ITGA1: variants seen among roughly 807,000 people sequenced by gnomAD.
The protein encoded by ITGA1 is integrin subunit alpha 1.
Under a neutral mutation model 145.9 loss-of-function variants are expected in ITGA1, and 85 were observed. That is an observed-to-expected ratio of 0.58 (90% CI 0.49 to 0.70). ITGA1 has a LOEUF of 0.70. Among genes scored for constraint, ITGA1 ranks in the 30% least tolerant of loss-of-function variants. The pLI is 0.00. For missense variants in ITGA1, 1,351 were observed against 1,418.7 expected (o/e 0.95, Z 0.77); for synonymous variants, 520 against 495.3 (o/e 1.05, Z -0.66).
At chr5:52,897,671 T>G in intron 10 of ITGA1, 143 bp downstream of exon 10, 1 of 620,572 alleles carries the variant, frequency 1.6e-6, no homozygotes, top group South Asian at 2.0e-5. Context: ...GTTTTCTAAT[T>G]CAAATAGGAA....
chr5:52,887,780 C>T, intron 7 of ITGA1, 35 bp from the exon 8 acceptor site: 2 of 1,591,216 alleles, frequency 1.3e-6, no homozygotes, highest in Non-Finnish European at 1.7e-6. Context: ...AAAGTGGTGT[C>T]TTATCAACCT....
rs201270377 is a variant in ITGA1, at chr5:52,920,460, T to C, written c.2284T>C (p.Tyr762His). ...RKSECTKHSF[Y>H]MLDKHDFQDS... ...ATCAGAATGCACTAAGCACTCCTTCTACATGTTGGCAAGTAAATCATATAT... is the reference window on the plus strand; with the variant it reads ...ATCAGAATGCACTAAGCACTCCTTCCACATGTTGGCAAGTAAATCATATAT... The change falls in exon 17 of 29, where the codon TAC (tyrosine) becomes CAC (histidine). Residue 762 changes from tyrosine to histidine, a missense_variant. Transcript: ENST00000282588. The C allele has an allele frequency of 1.9e-6, 3 of 1,596,900 alleles. No homozygotes were observed. In the Admixed American group the frequency reaches 5.3e-5, roughly 28 times the overall value.
chr5:52,866,835 T>C (rs1430045147), intron 6 of ITGA1, among the ~76,000 whole-genome samples: 1 of 152,174 alleles, frequency 6.6e-6, no homozygotes, highest in African/African-American at 2.4e-5. Context: ...TGGGCATATA[T>C]ATTAAAATAC....
chr5:52,801,752 G>A, intron 1 of ITGA1: 1 of 1,614,136 alleles, frequency 6.2e-7, no homozygotes, highest in South Asian at 1.1e-5. Flanking sequence ...GAACAGCTCA[G>A]CCAGTTGACT....
chr5:52,919,047 A>G, intron 16 of ITGA1, 149 bp downstream of exon 16: 1 of 648,682 alleles, frequency 1.5e-6, no homozygotes, highest in Non-Finnish European at 2.4e-6. Flanking sequence ...CTTGAAAAAA[A>G]ATTCTGTTGC....
intron 1 of ITGA1, among the ~76,000 whole-genome samples, chr5:52,829,011 A>T (rs373307507): frequency 6.6e-6 from 1 of 152,284 alleles, no homozygotes; most frequent in East Asian, 1.9e-4. Context: ...CAGTCATTGA[A>T]TTTTGGCCCC....
At chr5:52,894,677 A>G (rs1750199879) in intron 9 of ITGA1, among the ~76,000 whole-genome samples, 1 of 152,146 alleles carries the variant, frequency 6.6e-6, no homozygotes, top group African/African-American at 2.4e-5. Context: ...GCTACATCCA[A>G]ATCCAGTTGA....
intron 9 of ITGA1, among the ~76,000 whole-genome samples, chr5:52,896,238 C>T (rs749380144): frequency 9.2e-5 from 14 of 152,160 alleles, no homozygotes; most frequent in Non-Finnish European, 2.1e-4. Context: ...CACATAGCGT[C>T]CTTCTGTCTG....
At chr5:52,790,724 T>A (rs763198917) in intron 1 of ITGA1, among the ~76,000 whole-genome samples, 6 of 152,196 alleles carry the variant, frequency 3.9e-5, no homozygotes, top group Non-Finnish European at 7.3e-5. Flanking sequence ...CATCTCAAGA[T>A]CTTTAATTTA....
chr5:52,873,188 G>A (rs1047574663), intron 6 of ITGA1, among the ~76,000 whole-genome samples: 1 of 152,150 alleles, frequency 6.6e-6, no homozygotes. Context: ...GATCCACTGA[G>A]CTGGAAGGTA....
chr5:52,886,147 G>A (rs1027597754), intron 7 of ITGA1, among the ~76,000 whole-genome samples: 1 of 152,164 alleles, frequency 6.6e-6, no homozygotes, highest in African/African-American at 2.4e-5. Flanking sequence ...TCTAGAAGAA[G>A]ATGTAAAGGA....
At chr5:52,872,161 G>A (rs950488881) in intron 6 of ITGA1, among the ~76,000 whole-genome samples, 3 of 152,002 alleles carry the variant, frequency 2.0e-5, no homozygotes, top group East Asian at 1.9e-4. Flanking sequence ...TAAATTTTAG[G>A]AATATTATTT....
At chr5:52,815,429 G>A (rs981704376) in intron 1 of ITGA1, among the ~76,000 whole-genome samples, 9 of 152,186 alleles carry the variant, frequency 5.9e-5, no homozygotes, top group Admixed American at 5.2e-4. Flanking sequence ...AAATTCAAAT[G>A]TAACTGAGTA....
At chr5:52,908,572 T>TA (rs1261594005) in intron 12 of ITGA1, among the ~76,000 whole-genome samples, 3 of 152,194 alleles carry the variant, frequency 2.0e-5, no homozygotes, top group Admixed American at 2.0e-4. Flanking sequence ...TTTATTTCCT[T>TA]AAAAAATCAC....
intron 6 of ITGA1, 124 bp downstream of exon 6, chr5:52,865,941 C>T (rs1749680338): frequency 8.8e-6 from 6 of 682,658 alleles, no homozygotes; most frequent in Admixed American, 3.7e-5. Flanking sequence ...AATTTTATAT[C>T]CATTTCCTGT....
intron 1 of ITGA1, among the ~76,000 whole-genome samples, chr5:52,844,862 A>G (rs1248130238): frequency 6.6e-6 from 1 of 152,176 alleles, no homozygotes; most frequent in African/African-American, 2.4e-5. Flanking sequence ...AAATTCCAAG[A>G]CAACTTAGTA....
chr5:52,860,672 A>G (rs1237330298), intron 2 of ITGA1, among the ~76,000 whole-genome samples: 3 of 152,258 alleles, frequency 2.0e-5, no homozygotes, highest in Non-Finnish European at 4.4e-5. Context: ...GGATATGGCT[A>G]CTCAGCCAGC....
At chr5:52,832,621 C>A (rs773697684) in intron 1 of ITGA1, among the ~76,000 whole-genome samples, 1 of 152,008 alleles carries the variant, frequency 6.6e-6, no homozygotes, top group African/African-American at 2.4e-5. Context: ...ATCTCTCTTG[C>A]AAGAATTATA....
chr5:52,851,554 G>A, intron 2 of ITGA1, among the ~76,000 whole-genome samples: 1 of 152,122 alleles, frequency 6.6e-6, no homozygotes, highest in East Asian at 1.9e-4. Context: ...TATGGATGAG[G>A]AAAAAGAAAG....
Sources: gnomAD v4.1 joint callset for allele counts (sites outside exome capture counted in the v4.1 genomes callset) on GRCh38, gnomAD v4.1.1 for gene constraint, MANE v1.5 for transcripts, NCBI Gene and HGNC (gene_info 2026-07-23, HGNC 2026-07-21) for gene names.